DPP6: variants seen among roughly 807,000 people sequenced by gnomAD.
The protein encoded by DPP6 is A-type potassium channel modulatory protein DPP6.
In DPP6, 69 loss-of-function variants were observed where a neutral mutation model predicts 122.6. The observed-to-expected ratio is 0.56, with a 90% CI of 0.46 to 0.69. DPP6 has a LOEUF of 0.69. DPP6 is among the 30% of genes least tolerant of loss of function. The pLI is 0.00. For missense variants in DPP6, 928 were observed against 1,116.9 expected (o/e 0.83, Z 2.41); for synonymous variants, 418 against 433.1 (o/e 0.97, Z 0.43).
chr7:154,598,564 A>G (rs1366560627), intron 5 of DPP6, among the ~76,000 whole-genome samples: 1 of 152,234 alleles, frequency 6.6e-6, no homozygotes, highest in African/African-American at 2.4e-5. Flanking sequence ...TAAATAGATG[A>G]CAGCACGTCT....
chr7:153,765,564 G>GA, the DPP6 span, among the ~76,000 whole-genome samples: 2 of 148,072 alleles, frequency 1.4e-5, no homozygotes, highest in African/African-American at 2.5e-5. Flanking sequence ...AAAAAAAACA[G>GA]AAAAAAACAC....
intron 1 of DPP6, among the ~76,000 whole-genome samples, chr7:153,998,248 T>C (rs901337526): frequency 2.0e-5 from 3 of 152,152 alleles, no homozygotes; most frequent in African/African-American, 7.2e-5. Flanking sequence ...GCCAAAAATA[T>C]TTAACAAAAT....
intron 2 of DPP6, among the ~76,000 whole-genome samples, chr7:154,472,590 A>G (rs1822373614): frequency 6.6e-6 from 1 of 152,244 alleles, no homozygotes; most frequent in African/African-American, 2.4e-5. Flanking sequence ...GTGAGCTTGT[A>G]TAAGGCCTTT....
At chr7:154,660,995 G>T (rs1837632038) in intron 6 of DPP6, among the ~76,000 whole-genome samples, 1 of 101,860 alleles carries the variant, frequency 9.8e-6, no homozygotes, top group African/African-American at 4.8e-5. Context: ...TATAGTCATG[G>T]TGAATCACCA....
At chr7:153,841,040 G>A in the DPP6 span, among the ~76,000 whole-genome samples, 883 of 152,304 alleles carry the variant, frequency 5.8e-3, 9 homozygotes, top group African/African-American at 0.02. Context: ...AGCAAGGTCT[G>A]GAAATAGCAG....
intron 25 of DPP6, among the ~76,000 whole-genome samples, 155 bp from the exon 26 acceptor site, chr7:154,892,179 C>T (rs940168770): frequency 6.6e-6 from 1 of 152,202 alleles, no homozygotes; most frequent in African/African-American, 2.4e-5. Flanking sequence ...AGAGGCACTT[C>T]CATCAGGAGT....
intron 4 of DPP6, among the ~76,000 whole-genome samples, chr7:154,547,597 T>A (rs914630512): frequency 7.2e-5 from 11 of 152,162 alleles, no homozygotes; most frequent in Non-Finnish European, 1.3e-4. Context: ...AAGGGTGGCA[T>A]AAGAACTCAA....
rs558267753 is a variant in DPP6 at position 154,889,261 on chromosome 7, C to G, written c.2305-11C>G. The G allele has an allele frequency of 1.1e-5, 18 of 1,611,490 alleles. No individual in the cohort carries two copies. Among genetic ancestry groups the G allele is most frequent in the African/African-American group, 2.7e-5 (2 of 74,812 alleles). The stretch of plus-strand genomic sequence containing the variant: ...CCCCCTAACTCTGTCCCCTTGCCCC[C>G]GCATGTGCAGATGACCAAGGTAGCC... On this transcript the variant is annotated splice_polypyrimidine_tract_variant and intron_variant, in intron 23 of 25. Coordinates refer to ENST00000377770, the MANE Select transcript of DPP6 (RefSeq NM_130797.4).
chr7:154,353,490 G>C (rs67433368), intron 1 of DPP6, among the ~76,000 whole-genome samples: 1 of 152,058 alleles, frequency 6.6e-6, no homozygotes, highest in Non-Finnish European at 1.5e-5. Flanking sequence ...AATCTGATGA[G>C]GGAATTCTTC....
At chr7:154,558,111 C>A (rs145682835) in intron 4 of DPP6, among the ~76,000 whole-genome samples, 1 of 151,978 alleles carries the variant, frequency 6.6e-6, no homozygotes. Context: ...CCTCCACCCC[C>A]CCACAGGCCC....
At chr7:154,176,568 G>T (rs766200577) in intron 1 of DPP6, among the ~76,000 whole-genome samples, 1 of 152,218 alleles carries the variant, frequency 6.6e-6, no homozygotes, top group Non-Finnish European at 1.5e-5. Flanking sequence ...ATGTGTCTGC[G>T]TATGTGTGTG....
At chr7:154,222,550 G>T (rs1185624050) in intron 1 of DPP6, among the ~76,000 whole-genome samples, 1 of 148,844 alleles carries the variant, frequency 6.7e-6, no homozygotes, top group African/African-American at 2.6e-5. Flanking sequence ...AGCTACTCAG[G>T]AGGCTGAGGC....
At chr7:154,313,685 G>GTGTATATATATATATATATA in intron 1 of DPP6, among the ~76,000 whole-genome samples, 3 of 20,466 alleles carry the variant, frequency 1.5e-4, no homozygotes, top group Admixed American at 6.2e-4. Context: ...TTAAGATATG[G>GTGTATATATATATATATATA]TATATATATA....
chr7:154,673,885 T>C (rs953179452), intron 7 of DPP6, among the ~76,000 whole-genome samples: 8 of 152,036 alleles, frequency 5.3e-5, no homozygotes, highest in Non-Finnish European at 1.0e-4. Context: ...TTCTTTCTTT[T>C]TTTTTTTTTT....
intron 1 of DPP6, among the ~76,000 whole-genome samples, chr7:154,147,106 G>A (rs1371992171): frequency 2.0e-5 from 3 of 152,074 alleles, no homozygotes; most frequent in Admixed American, 6.6e-5. Flanking sequence ...TCCACTAAAG[G>A]CCAGAACATT....
the DPP6 span, among the ~76,000 whole-genome samples, chr7:153,822,319 A>G: frequency 1.3e-5 from 2 of 151,512 alleles, no homozygotes; most frequent in African/African-American, 4.9e-5. Context: ...CCTCCCGAGT[A>G]GCTGGGACTA....
At chr7:153,824,783 G>C in the DPP6 span, among the ~76,000 whole-genome samples, 1 of 152,102 alleles carries the variant, frequency 6.6e-6, no homozygotes, top group African/African-American at 2.4e-5. Flanking sequence ...TATTCATGAA[G>C]GTTTTCTCTT....
At chr7:154,892,256 A>G (rs1806676325) in intron 25 of DPP6, 78 bp from the exon 26 acceptor site, 5 of 1,594,096 alleles carry the variant, frequency 3.1e-6, no homozygotes, top group Non-Finnish European at 4.3e-6. Flanking sequence ...GTTTCACTAA[A>G]CTCCACACCT....
At chr7:154,593,136 C>T (rs916025534) in intron 5 of DPP6, among the ~76,000 whole-genome samples, 3 of 152,108 alleles carry the variant, frequency 2.0e-5, no homozygotes, top group African/African-American at 7.2e-5. Context: ...TGTGAGGGCA[C>T]CTAACAGGTG....
Sources: allele counts gnomAD v4.1 joint callset (sites outside exome capture counted in the v4.1 genomes callset), GRCh38; gene constraint gnomAD v4.1.1; transcripts MANE v1.5; gene names NCBI Gene and HGNC (gene_info 2026-07-23, HGNC 2026-07-21).